Variants in BFSP1 observed in about 807,000 individuals in gnomAD.
The protein encoded by BFSP1 is beaded filament structural protein 1, also known as filensin.
BFSP1 carries 38 observed loss-of-function variants against 43.9 expected under a neutral mutation model. The observed-to-expected ratio is 0.87, with a 90% CI of 0.67 to 1.14. The LOEUF (loss-of-function observed/expected upper bound fraction) is 1.14, where lower values mean the gene tolerates loss of function less well. Ranked by LOEUF, BFSP1 falls within the 50% of genes most tolerant of loss-of-function variation. The pLI is 0.00. For missense variants in BFSP1, 850 were observed against 875.1 expected (o/e 0.97, Z 0.36); for synonymous variants, 352 against 354.8 (o/e 0.99, Z 0.09).
chr20:17,540,097 TAGTC>T (rs1178729848), intron 1 of BFSP1, among the ~76,000 whole-genome samples: 1 of 152,140 alleles, frequency 6.6e-6, no homozygotes, highest in African/African-American at 2.4e-5. Flanking sequence ...ATTCTAAAAA[TAGTC>T]AGTTTACAGA....
intron 5 of BFSP1, among the ~76,000 whole-genome samples, chr20:17,504,900 G>A (rs1236237227): frequency 7.0e-6 from 1 of 142,838 alleles, no homozygotes; most frequent in East Asian, 2.1e-4. Context: ...ACCTTTAGGT[G>A]TAAGGTTTTT....
rs201047360 is a variant in BFSP1 at position 17,507,265 on chromosome 20, ATAGG to A, written c.735+1620_735+1623del. 0.013 allele frequency among the ~76,000 whole-genome samples: 1,863 copies of A among 145,576 alleles called. 12 individuals carry two copies. Among genetic ancestry groups the A allele is most frequent in the South Asian group, 0.039 (179 of 4,594 alleles). On this transcript the variant is annotated intron_variant, in intron 5 of 7. Coordinates refer to ENST00000377873, the MANE Select transcript of BFSP1 (RefSeq NM_001195.5). This position sits in a 1 kb window ranked among gnomAD's most constrained non-coding sequence, Gnocchi z 4.4. ...TCTCATTGCGAGCCATACACATCAGATAGGTAGGTGTGTGTGTGTGTGTGTGTGT... is the reference window on the plus strand; with the variant it reads ...TCTCATTGCGAGCCATACACATCAGATAGGTGTGTGTGTGTGTGTGTGTGT...
At position 17,494,812 on chromosome 20, in the gene BFSP1, A is replaced by G; in HGVS notation, c.1260T>C (p.Ser420=). The change falls in exon 8 of 8, where the codon AGT becomes AGC. Residue 420 remains serine, a synonymous_variant. Coordinates refer to ENST00000377873, the MANE Select transcript of BFSP1 (RefSeq NM_001195.5). The part of the protein sequence containing the change: ...SKFESESKEV[S]PLTQEGAPED... ...CTGGAGCCCCTTCTTGTGTCAGGGGACTTACTTCTTTACTTTCTGATTCAA... is the reference window on the plus strand; with the variant it reads ...CTGGAGCCCCTTCTTGTGTCAGGGGGCTTACTTCTTTACTTTCTGATTCAA... 6.2e-7 allele frequency: 1 copy of G among 1,614,028 alleles called. No individual in the cohort carries two copies. Among genetic ancestry groups the G allele is most frequent in the East Asian group, 2.2e-5 (1 of 44,862 alleles).
chr20:17,557,950 C>T (rs1025204849), intron 1 of BFSP1, among the ~76,000 whole-genome samples: 1 of 152,108 alleles, frequency 6.6e-6, no homozygotes, highest in Non-Finnish European at 1.5e-5. Flanking sequence ...AAAATCAGCT[C>T]ATGAGAAGTT....
At chr20:17,554,537 G>A (rs2034958446) in intron 1 of BFSP1, among the ~76,000 whole-genome samples, 1 of 152,168 alleles carries the variant, frequency 6.6e-6, no homozygotes, top group Non-Finnish European at 1.5e-5. Flanking sequence ...GGAACACCTA[G>A]TTAATGAAAC....
intron 1 of BFSP1, among the ~76,000 whole-genome samples, chr20:17,556,694 T>C (rs1234196112): frequency 6.6e-6 from 1 of 151,550 alleles, no homozygotes; most frequent in East Asian, 1.9e-4. Context: ...GGAGTGAAGG[T>C]GACATTTTTC....
At chr20:17,512,930 C>T (rs990753054) in intron 3 of BFSP1, among the ~76,000 whole-genome samples, 2 of 152,146 alleles carry the variant, frequency 1.3e-5, no homozygotes, top group Non-Finnish European at 2.9e-5. Context: ...CCCCTTTACC[C>T]GCCAGTGCCC....
intron 1 of BFSP1, among the ~76,000 whole-genome samples, chr20:17,568,657 G>A (rs1299179775): frequency 6.6e-6 from 1 of 151,996 alleles, no homozygotes; most frequent in Admixed American, 6.6e-5. Flanking sequence ...GCTCTAGCCC[G>A]CCAAAAATCA....
chr20:17,497,608 G>GTA (rs1568679843), intron 6 of BFSP1, among the ~76,000 whole-genome samples: 3 of 106,104 alleles, frequency 2.8e-5, no homozygotes, highest in African/African-American at 1.1e-4. Context: ...ATATATATAC[G>GTA]TATATATACA....
chr20:17,514,885 A>G (rs2034164957), intron 2 of BFSP1, 69 bp from the exon 3 acceptor site: 2 of 1,395,586 alleles, frequency 1.4e-6, no homozygotes, highest in African/African-American at 1.4e-5. Flanking sequence ...GGCCGGGTAT[A>G]TGAGCACACA....
intron 1 of BFSP1, among the ~76,000 whole-genome samples, chr20:17,558,120 G>A (rs562480295): frequency 2.4e-5 from 3 of 125,514 alleles, no homozygotes; most frequent in Non-Finnish European, 4.9e-5. Context: ...ACACAAAGAT[G>A]GGGGGGGGTT....
Position 17,498,766 on chromosome 20 carries a change from A to G in BFSP1, c.956+54T>C, listed in dbSNP as rs1007199033. 12 of 1,572,402 alleles carry G rather than the reference A, an allele frequency of 7.6e-6. No individual in the cohort carries two copies. The African/African-American group carries it at 9.5e-5, about 12-fold the overall frequency. ...TGTGCCTGGCACACAATAGGCACTC[A>G]ATAAAGAGTTGTGGAAGGAATAAGT... On this transcript the variant is annotated intron_variant, in intron 6 of 7. Transcript: ENST00000377873.
chr20:17,527,061 G>A (rs1483749087), intron 1 of BFSP1, among the ~76,000 whole-genome samples: 6 of 152,204 alleles, frequency 3.9e-5, no homozygotes, highest in Non-Finnish European at 8.8e-5. Flanking sequence ...TTCTCAGAAG[G>A]AAAAGTCATG....
chr20:17,549,531 G>A (rs956823808), intron 1 of BFSP1, among the ~76,000 whole-genome samples: 4 of 152,068 alleles, frequency 2.6e-5, no homozygotes, highest in Admixed American at 2.6e-4. Context: ...AGCACCAAAG[G>A]GATGGTGCCA....
intron 4 of BFSP1, among the ~76,000 whole-genome samples, chr20:17,510,823 A>G (rs1454733030): frequency 6.6e-6 from 1 of 152,166 alleles, no homozygotes; most frequent in Non-Finnish European, 1.5e-5. Context: ...GAGAGCCACC[A>G]TCCTAGGTCA....
chr20:17,529,940 T>C (rs2034498534), intron 1 of BFSP1, among the ~76,000 whole-genome samples: 1 of 152,236 alleles, frequency 6.6e-6, no homozygotes, highest in Admixed American at 6.5e-5. Context: ...TGAAAAAATG[T>C]TGACAAATTG....
At chr20:17,539,820 T>G (rs2034688299) in intron 1 of BFSP1, among the ~76,000 whole-genome samples, 1 of 152,156 alleles carries the variant, frequency 6.6e-6, no homozygotes, top group Non-Finnish European at 1.5e-5. Flanking sequence ...GTCCATTGTT[T>G]TGTAGGTCCA....
chr20:17,559,010 C>G, upstream of BFSP1: 2 of 300,178 alleles, frequency 6.7e-6, no homozygotes, highest in Non-Finnish European at 1.2e-5. Flanking sequence ...AGTGACCACT[C>G]ACCTCCACTC....
chr20:17,545,955 C>G (rs564575183), intron 1 of BFSP1, among the ~76,000 whole-genome samples: 74 of 152,194 alleles, frequency 4.9e-4, no homozygotes, highest in Non-Finnish European at 9.1e-4. Flanking sequence ...ATGTGCTACT[C>G]TGTGACAGAG....
Sources: gnomAD v4.1 joint callset for allele counts (sites outside exome capture counted in the v4.1 genomes callset) on GRCh38, gnomAD v4.1.1 for gene constraint, Gnocchi (gnomAD v3.1) non-coding constraint, MANE v1.5 for transcripts, NCBI Gene and HGNC (gene_info 2026-07-23, HGNC 2026-07-21) for gene names.